The following FSD2 variants were observed in gnomAD, a reference collection of about 807,000 sequenced individuals.
The protein encoded by FSD2 is fibronectin type III and SPRY domain-containing protein 2.
In FSD2, 71 loss-of-function variants were observed where a neutral mutation model predicts 80.4. That is an observed-to-expected ratio of 0.88 (90% CI 0.73 to 1.08). The LOEUF (loss-of-function observed/expected upper bound fraction) is 1.08, where lower values mean the gene tolerates loss of function less well. Among genes scored for constraint, FSD2 ranks in the 50% least tolerant of loss-of-function variants. FSD2 has a pLI of 0.00. For missense variants in FSD2, 923 were observed against 913.8 expected (o/e 1.01, Z -0.13); for synonymous variants, 361 against 329.5 (o/e 1.10, Z -1.03).
Position 82,772,162 on chromosome 15 carries a change from C to CTTAT in FSD2, c.1177_1178insATAA (p.Cys393TyrfsTer54). The stretch of plus-strand genomic sequence containing the variant: ...AGTGTCGTCGGAGTATAAGCTCCAG[C>CTTAT]ACACTCGGACTGAGGAACCTGTGGC... On this transcript the variant is annotated frameshift_variant, in exon 7 of 13. Coordinates refer to ENST00000334574, the MANE Select transcript of FSD2 (RefSeq NM_001007122.4). LOFTEE classifies it high-confidence loss of function. The CTTAT allele has an allele frequency of 6.2e-7, 1 of 1,612,406 alleles. No homozygotes were observed. The highest frequency in any genetic ancestry group is 8.5e-7 in the Non-Finnish European group (1 of 1,179,310).
rs141352597 is a variant in FSD2, at chr15:82,799,899, G to T, written c.-79+6067C>A. Among the ~76,000 whole-genome samples the T allele has an allele frequency of 1.6e-4, 24 of 152,240 alleles. No individual in the cohort carries two copies. The East Asian group carries it at 4.3e-3, about 27-fold the overall frequency. On this transcript the variant is annotated intron_variant, in intron 1 of 12. Coordinates refer to ENST00000334574, the MANE Select transcript of FSD2 (RefSeq NM_001007122.4). ...GTAGAAGATGCCTGGATGCCCAGCT[G>T]GCCCGTGAGAGGTTGGGACAGTCTT...
At position 82,786,606 on chromosome 15, in the gene FSD2, C is replaced by T. The variant is rs1257916764; in HGVS notation, c.640G>A (p.Asp214Asn). 9.9e-6 allele frequency: 16 copies of T among 1,612,922 alleles called. No homozygotes were observed. Among genetic ancestry groups the T allele is most frequent in the Non-Finnish European group, 1.3e-5 (15 of 1,179,042 alleles). The change falls in exon 3 of 13, where the codon GAT becomes AAT. Residue 214 changes from aspartate to asparagine, a missense_variant and splice_region_variant. Transcript: ENST00000334574. ...PLNEALESAK[D>N]EIHKNMYKLE... Reference sequence around the variant, plus strand: ...TTGTACATGTTTTTGTGAATTTCATCCTATCCAACAGAGGATCACAAAGAA... The same window carrying T: ...TTGTACATGTTTTTGTGAATTTCATTCTATCCAACAGAGGATCACAAAGAA...
At chr15:82,789,150 G>A (rs11853148) in intron 1 of FSD2, among the ~76,000 whole-genome samples, 2 of 151,918 alleles carry the variant, frequency 1.3e-5, no homozygotes, top group African/African-American at 2.4e-5. Flanking sequence ...TTTTTGAAAA[G>A]GTTTAATGAT....
At position 82,762,216 on chromosome 15, in the gene FSD2, A is replaced by T. The variant is rs1276725371; in HGVS notation, c.1883T>A (p.Val628Glu). 1 of 1,613,644 alleles carries T rather than the reference A, an allele frequency of 6.2e-7. No homozygotes were observed. The highest frequency in any genetic ancestry group is 8.5e-7 in the Non-Finnish European group (1 of 1,179,822). Residue 628 changes from valine (V) to glutamate (E), a missense_variant, in exon 12 of 13, where the codon GTG becomes GAG. Physicochemically the swap from Val to Glu is moderately radical, Grantham distance 121. Transcript: ENST00000334574. ...AACTCTGTAGTCCAAATGCTCATCC[A>T]CCTCCACCTCCCAGTAATGGTGCCC... ...VRGHHYWEVE[V>E]DEHLDYRVGV...
In FSD2 at chr15:82,759,371, G is replaced by T. The variant is rs376416198; in HGVS notation, c.2227C>A (p.Pro743Thr). Residue 743 changes from proline to threonine, a missense_variant, in exon 13 of 13, where the codon CCA becomes ACA. Transcript: ENST00000334574. Reference sequence around the variant, plus strand: ...TTCTAATAGAAAGTGACATGTTTTGGCATTGAAATGCCATTATGTACCTTT... The same window carrying T: ...TTCTAATAGAAAGTGACATGTTTTGTCATTGAAATGCCATTATGTACCTTT... ...CLKVHNGISMPKHVTFY is the reference protein window; with the variant it reads ...CLKVHNGISMTKHVTFY The T allele has an allele frequency of 1.2e-6, 2 of 1,613,164 alleles. No homozygotes were observed. Among genetic ancestry groups the T allele is most frequent in the Non-Finnish European group, 1.7e-6 (2 of 1,179,652 alleles).
intron 11 of FSD2, among the ~76,000 whole-genome samples, chr15:82,764,152 T>C (rs928285208): frequency 1.3e-5 from 2 of 152,124 alleles, no homozygotes; most frequent in Non-Finnish European, 2.9e-5. Flanking sequence ...GAGAACAGGG[T>C]CTGGGGGCAG....
chr15:82,764,716 G>A (rs1285765642), intron 11 of FSD2, among the ~76,000 whole-genome samples: 1 of 151,880 alleles, frequency 6.6e-6, no homozygotes, highest in African/African-American at 2.4e-5. Flanking sequence ...GACCTCAGGT[G>A]ATCTGCCTGC....
At chr15:82,776,915 A>C (rs2049726092) in intron 6 of FSD2, among the ~76,000 whole-genome samples, 1 of 152,230 alleles carries the variant, frequency 6.6e-6, no homozygotes. Flanking sequence ...TTGAGAGCCC[A>C]GTAATAAACC....
At chr15:82,764,033 G>A (rs189618079) in intron 11 of FSD2, among the ~76,000 whole-genome samples, 6 of 152,298 alleles carry the variant, frequency 3.9e-5, no homozygotes, top group Non-Finnish European at 1.5e-5. Context: ...CAGGAGTTTT[G>A]CTGTAAGGTA....
intron 8 of FSD2, among the ~76,000 whole-genome samples, chr15:82,769,335 C>T (rs1348442538): frequency 2.6e-5 from 4 of 151,794 alleles, no homozygotes; most frequent in Non-Finnish European, 5.9e-5. Context: ...TTTGGGAGGC[C>T]GAGGCGGGTG....
At chr15:82,802,065 T>G (rs1413925919) in intron 1 of FSD2, among the ~76,000 whole-genome samples, 2 of 152,012 alleles carry the variant, frequency 1.3e-5, no homozygotes, top group East Asian at 1.9e-4. Context: ...TATGGGGAGG[T>G]TACTACTAAG....
chr15:82,798,342 C>G (rs966784750), intron 1 of FSD2, among the ~76,000 whole-genome samples: 1 of 152,086 alleles, frequency 6.6e-6, no homozygotes, highest in Middle Eastern at 3.4e-3. Flanking sequence ...AAGACCCTGT[C>G]AGAAGATAGA....
chr15:82,805,273 A>G (rs757941418), intron 1 of FSD2, among the ~76,000 whole-genome samples: 12 of 151,380 alleles, frequency 7.9e-5, no homozygotes, highest in Non-Finnish European at 1.0e-4. Context: ...GGGCATATCT[A>G]CTGAATCTAC....
At chr15:82,795,309 G>C (rs2050238439) in intron 1 of FSD2, among the ~76,000 whole-genome samples, 1 of 152,028 alleles carries the variant, frequency 6.6e-6, no homozygotes, top group African/African-American at 2.4e-5. Flanking sequence ...TTTGTTGGAG[G>C]AGCTCAAGCT....
Position 82,765,966 on chromosome 15 carries a change from A to G in FSD2, c.1619T>C (p.Ile540Thr), listed in dbSNP as rs770634361. The change falls in exon 10 of 13, where the codon ATC becomes ACC. Residue 540 changes from isoleucine to threonine, a missense_variant. Coordinates refer to ENST00000334574, the MANE Select transcript of FSD2 (RefSeq NM_001007122.4). ...VQLQPGRSYI[I>T]YVRALNMGGP... ...CCCCATATTGAGGGCTCGCACATAG[A>G]TAATGTAGCTCCGCCCCGGCTGCAG... is the stretch of plus-strand genomic sequence containing the variant. 6.2e-7 allele frequency: 1 copy of G among 1,604,762 alleles called. No individual in the cohort carries two copies. Among genetic ancestry groups the G allele is most frequent in the Non-Finnish European group, 8.5e-7 (1 of 1,176,608 alleles).
At chr15:82,771,263 T>G (rs1105139) in intron 7 of FSD2, among the ~76,000 whole-genome samples, 3,470 of 152,318 alleles carry the variant, frequency 0.023, 64 homozygotes, top group Non-Finnish European at 0.036. Flanking sequence ...AGACAGCTTC[T>G]TTCTCTCTGA....
chr15:82,794,340 C>T (rs761319321), intron 1 of FSD2, among the ~76,000 whole-genome samples: 1 of 152,038 alleles, frequency 6.6e-6, no homozygotes, highest in South Asian at 2.1e-4. Context: ...GACCAGAAAA[C>T]ATATTTTGTA....
At chr15:82,770,761 A>G (rs562993495) in intron 7 of FSD2, among the ~76,000 whole-genome samples, 28 of 152,322 alleles carry the variant, frequency 1.8e-4, no homozygotes, top group African/African-American at 6.7e-4. Flanking sequence ...TTATGCAGCA[A>G]AAACTAACAC....
Position 82,759,189 on chromosome 15 carries a change from G to C in FSD2, c.*159C>G. The C allele has an allele frequency of 5.4e-6, 4 of 736,848 alleles. No homozygotes were observed. The highest frequency in any genetic ancestry group is 8.6e-6 in the Non-Finnish European group (4 of 463,006). 45.6% of individuals were successfully genotyped at this position (736,848 alleles called of 1,614,324 possible). A position where few individuals can be genotyped will look rare whatever the true frequency, so the allele number is the denominator to read the frequency against. ...TAGCAGCACACAGGACTAGAATCCA[G>C]GTTGGGTGAAATGAGCGCTAGCACA... On this transcript the variant is annotated 3_prime_UTR_variant, in exon 13 of 13. Coordinates refer to ENST00000334574, the MANE Select transcript of FSD2 (RefSeq NM_001007122.4).
Sources: allele counts gnomAD v4.1 joint callset (sites outside exome capture counted in the v4.1 genomes callset), GRCh38; gene constraint gnomAD v4.1.1; transcripts MANE v1.5; gene names NCBI Gene and HGNC (gene_info 2026-07-23, HGNC 2026-07-21).